PTK2B: variants seen among roughly 807,000 people sequenced by gnomAD.
PTK2B encodes protein-tyrosine kinase 2-beta.
PTK2B carries 71 observed loss-of-function variants against 142.9 expected under a neutral mutation model. The observed-to-expected ratio is 0.50, with a 90% CI of 0.41 to 0.61. The LOEUF (loss-of-function observed/expected upper bound fraction) is 0.61, where lower values mean the gene tolerates loss of function less well. PTK2B is among the 20% of genes least tolerant of loss of function. The pLI is 0.00. For missense variants in PTK2B, 1,105 were observed against 1,320.4 expected, an observed-to-expected ratio of 0.84 and a Z score of 2.53; for synonymous variants, 519 against 503.4, an observed-to-expected ratio of 1.03 and a Z score of -0.42.
intron 1 of PTK2B, among the ~76,000 whole-genome samples, chr8:27,372,553 C>G (rs1490171548): frequency 1.3e-5 from 2 of 152,166 alleles, no homozygotes; most frequent in Non-Finnish European, 2.9e-5. Context: ...CTCAGTCTAC[C>G]AACTCAAAAG....
intron 21 of PTK2B, among the ~76,000 whole-genome samples, chr8:27,442,635 G>A (rs754135042): frequency 7.2e-5 from 11 of 152,182 alleles, no homozygotes; most frequent in South Asian, 2.1e-4. Flanking sequence ...CACCAAGGAC[G>A]CTTTTCCACC....
chr8:27,445,699 C>G, intron 23 of PTK2B, 95 bp from the exon 24 acceptor site: 1 of 1,548,628 alleles, frequency 6.5e-7, no homozygotes, highest in East Asian at 2.3e-5. Flanking sequence ...CTGTGGTGCT[C>G]ATGCATAGTT....
At chr8:27,456,396 G>A (rs1812142395) in intron 30 of PTK2B, among the ~76,000 whole-genome samples, 1 of 152,126 alleles carries the variant, frequency 6.6e-6, no homozygotes, top group Non-Finnish European at 1.5e-5. Flanking sequence ...TTGGTGATTG[G>A]TGATCAGCGA....
chr8:27,430,185 C>T (rs1810321725), intron 6 of PTK2B, 30 bp downstream of exon 6: 1 of 1,596,112 alleles, frequency 6.3e-7, no homozygotes, highest in Admixed American at 1.7e-5. Flanking sequence ...ATCTCCCCTC[C>T]CTTCCTGTCC....
chr8:27,414,091 A>G (rs1289131535), intron 2 of PTK2B, among the ~76,000 whole-genome samples: 1 of 152,188 alleles, frequency 6.6e-6, no homozygotes, highest in Non-Finnish European at 1.5e-5. Flanking sequence ...TTGTTTTTAT[A>G]TGGCACAAAA....
chr8:27,414,114 C>T (rs1014844796), intron 2 of PTK2B, among the ~76,000 whole-genome samples: 2 of 152,232 alleles, frequency 1.3e-5, no homozygotes, highest in African/African-American at 2.4e-5. Flanking sequence ...ACGTTCCAGG[C>T]ACATCTTGTA....
intron 1 of PTK2B, among the ~76,000 whole-genome samples, chr8:27,373,962 A>G (rs988908382): frequency 1.3e-5 from 2 of 151,916 alleles, no homozygotes; most frequent in African/African-American, 4.8e-5. Context: ...GAGACATTGC[A>G]AGGAGGAGGG....
intron 5 of PTK2B, among the ~76,000 whole-genome samples, chr8:27,428,615 T>G (rs1354676971): frequency 6.6e-6 from 1 of 152,062 alleles, no homozygotes; most frequent in Non-Finnish European, 1.5e-5. Context: ...GGATTGGGGG[T>G]GGACTTCCTG....
chr8:27,313,780 G>A lies in PTK2B; in HGVS notation c.-414+493G>A, dbSNP rs1232673723. On this transcript the variant is annotated intron_variant, in intron 3 of 35. Coordinates refer to the PTK2B transcript ENST00000397501. ...CTCACCCAATTTCTGAAATTTTATT[G>A]GAAGCTGATTACCAATCTCAAGTGT... 3.3e-5 allele frequency among the ~76,000 whole-genome samples: 5 copies of A among 152,132 alleles called. No individual in the cohort carries two copies. In the East Asian group the frequency reaches 9.6e-4, roughly 29 times the overall value.
At chr8:27,340,193 A>G (rs1000857268) in intron 1 of PTK2B, among the ~76,000 whole-genome samples, 52 of 152,380 alleles carry the variant, frequency 3.4e-4, no homozygotes, top group Non-Finnish European at 6.9e-4. Context: ...AAGATGAAAC[A>G]GTAATTCAGG....
chr8:27,408,121 T>C (rs1010091111), intron 2 of PTK2B, among the ~76,000 whole-genome samples: 7 of 152,176 alleles, frequency 4.6e-5, no homozygotes, highest in African/African-American at 1.7e-4. Context: ...TCCTGCCCCC[T>C]GTCTCTCAGC....
intron 27 of PTK2B, 75 bp from the exon 28 acceptor site, chr8:27,453,039 T>C: frequency 2.6e-6 from 4 of 1,548,810 alleles, no homozygotes; most frequent in Non-Finnish European, 3.6e-6. Context: ...AGGGGCTCAT[T>C]TGATGTCAGC....
chr8:27,377,396 G>A (rs548783479), intron 1 of PTK2B, among the ~76,000 whole-genome samples: 17 of 152,298 alleles, frequency 1.1e-4, no homozygotes, highest in Non-Finnish European at 2.1e-4. Context: ...TTATGGGCAC[G>A]TACACTGAGA....
chr8:27,378,597 TTATCTGTGTGTGTG>T (rs1806809901), intron 1 of PTK2B, among the ~76,000 whole-genome samples: 1 of 137,896 alleles, frequency 7.3e-6, no homozygotes, highest in South Asian at 2.4e-4. Flanking sequence ...ATCTTACAGC[TTATCTGTGTGTGTG>T]TGTGTGTGTG....
At chr8:27,336,703 T>C (rs1490604814) in intron 1 of PTK2B, among the ~76,000 whole-genome samples, 1 of 152,234 alleles carries the variant, frequency 6.6e-6, no homozygotes, top group Non-Finnish European at 1.5e-5. Context: ...TTCACTCCCA[T>C]CTCTGACATC....
At chr8:27,374,116 T>C (rs1806522332) in intron 1 of PTK2B, among the ~76,000 whole-genome samples, 1 of 152,158 alleles carries the variant, frequency 6.6e-6, no homozygotes, top group South Asian at 2.1e-4. Flanking sequence ...ACATAGGTGG[T>C]AAATCCTGAG....
chr8:27,377,370 G>A (rs1318037025), intron 1 of PTK2B, among the ~76,000 whole-genome samples: 1 of 152,194 alleles, frequency 6.6e-6, no homozygotes, highest in Non-Finnish European at 1.5e-5. Flanking sequence ...GAAAGATAGT[G>A]CTAACATGCC....
chr8:27,352,647 T>G (rs1050427252), intron 1 of PTK2B, among the ~76,000 whole-genome samples: 2 of 151,976 alleles, frequency 1.3e-5, no homozygotes, highest in Non-Finnish European at 2.9e-5. Flanking sequence ...CGGTGGGAGG[T>G]AATTGAATCA....
intron 15 of PTK2B, 100 bp downstream of exon 15, chr8:27,436,448 ACTTGGGG>A: frequency 8.4e-7 from 1 of 1,186,358 alleles, no homozygotes. Flanking sequence ...GCCTTCATCC[ACTTGGGG>A]CCCCTTGTCC....
Sources: allele counts gnomAD v4.1 joint callset (sites outside exome capture counted in the v4.1 genomes callset), GRCh38; gene constraint gnomAD v4.1.1; transcripts MANE v1.5; gene names NCBI Gene and HGNC (gene_info 2026-07-23, HGNC 2026-07-21).